The following GPM6A variants were observed in gnomAD, a reference collection of about 807,000 sequenced individuals.
GPM6A encodes glycoprotein M6A, also known as neuronal membrane glycoprotein M6-a.
In GPM6A, 7 loss-of-function variants were observed where a neutral mutation model predicts 32.1. The ratio of observed to expected loss-of-function variants is 0.22; its 90% CI spans 0.12 to 0.41. The LOEUF is 0.41. Among genes scored for constraint, GPM6A ranks in the 10% least tolerant of loss-of-function variants. The pLI is 1.00. For synonymous variants in GPM6A, 130 were observed against 123.4 expected (o/e 1.05, Z -0.35); for missense variants, 235 against 347.2 (o/e 0.68, Z 2.57).
intron 1 of GPM6A, among the ~76,000 whole-genome samples, chr4:175,987,655 T>C (rs1741019982): frequency 6.6e-6 from 1 of 152,024 alleles, no homozygotes; most frequent in Admixed American, 6.6e-5. Flanking sequence ...GATTATATAT[T>C]ATTTTTATTA....
At chr4:175,772,640 A>G (rs1733236712) in intron 1 of GPM6A, among the ~76,000 whole-genome samples, 1 of 152,184 alleles carries the variant, frequency 6.6e-6, no homozygotes, top group African/African-American at 2.4e-5. Flanking sequence ...AAAAAAAATT[A>G]AAAGGAAAGG....
chr4:175,645,211 C>T (rs535873826), intron 4 of GPM6A, among the ~76,000 whole-genome samples: 12 of 152,200 alleles, frequency 7.9e-5, no homozygotes, highest in Admixed American at 1.3e-4. Flanking sequence ...CAGTAACGGG[C>T]TTCTTTAGTA....
intron 1 of GPM6A, among the ~76,000 whole-genome samples, chr4:175,767,332 A>T (rs1733012047): frequency 6.6e-6 from 1 of 152,188 alleles, no homozygotes; most frequent in African/African-American, 2.4e-5. Context: ...TGAGAAGGTG[A>T]CACTCCTGTG....
chr4:175,760,703 T>C (rs1732704977), intron 1 of GPM6A, among the ~76,000 whole-genome samples: 1 of 151,372 alleles, frequency 6.6e-6, no homozygotes, highest in Non-Finnish European at 1.5e-5. Context: ...GCTCCCTGAG[T>C]AGTGAATTAT....
intron 1 of GPM6A, among the ~76,000 whole-genome samples, chr4:175,824,125 T>G (rs745880849): frequency 1.3e-4 from 20 of 152,266 alleles, no homozygotes; most frequent in Admixed American, 3.9e-4. Context: ...CCGGAAAACA[T>G]TTTCTCAAGG....
intron 2 of GPM6A, among the ~76,000 whole-genome samples, chr4:175,677,324 G>A (rs928316712): frequency 6.6e-6 from 1 of 151,948 alleles, no homozygotes; most frequent in South Asian, 2.1e-4. Context: ...GGAAGTGAGG[G>A]GTTTAACATC....
At chr4:175,748,227 A>G (rs1173427273) in intron 1 of GPM6A, among the ~76,000 whole-genome samples, 1 of 152,208 alleles carries the variant, frequency 6.6e-6, no homozygotes, top group African/African-American at 2.4e-5. Context: ...CCTACCGTGA[A>G]TAATGAAAAT....
intron 4 of GPM6A, among the ~76,000 whole-genome samples, chr4:175,645,456 C>G (rs144497165): frequency 6.6e-6 from 1 of 152,060 alleles, no homozygotes; most frequent in East Asian, 1.9e-4. Context: ...TGGGGTGGCT[C>G]ACGCCTGTAA....
At chr4:175,871,327 G>T (rs1013769365) in intron 1 of GPM6A, among the ~76,000 whole-genome samples, 3 of 151,884 alleles carry the variant, frequency 2.0e-5, no homozygotes, top group African/African-American at 7.3e-5. Flanking sequence ...AAAATTAGCC[G>T]GATGTGGTAG....
rs371584013 is a variant in GPM6A, at chr4:175,916,477, G to A, written c.-23+85832C>T. Among the ~76,000 whole-genome samples the A allele has an allele frequency of 1.3e-4, 19 of 151,890 alleles. No homozygotes were observed. The East Asian group carries it at 3.7e-3, about 29-fold the overall frequency. The stretch of plus-strand genomic sequence containing the variant: ...GAATTTTGGTTTTTCTTTTTTTTCT[G>A]TACCTACTGTTTCAGAGGGAAGTTA... On this transcript the variant is annotated intron_variant, in intron 1 of 7. Transcript: ENST00000280187.
intron 1 of GPM6A, among the ~76,000 whole-genome samples, chr4:175,778,809 T>C (rs1349298127): frequency 4.7e-5 from 7 of 150,260 alleles, no homozygotes; most frequent in East Asian, 1.9e-4. Context: ...CTACTAAATA[T>C]ATAAAATAAC....
At chr4:175,648,359 G>A (rs1258552581) in intron 4 of GPM6A, among the ~76,000 whole-genome samples, 3 of 152,148 alleles carry the variant, frequency 2.0e-5, no homozygotes, top group Admixed American at 6.5e-5. Context: ...GGAGTAAGCC[G>A]TGAAGGGGAA....
At chr4:175,815,925 C>G (rs954460128), upstream of GPM6A, among the ~76,000 whole-genome samples, 3 of 152,112 alleles carry the variant, frequency 2.0e-5, no homozygotes, top group African/African-American at 7.2e-5. Flanking sequence ...CCATGTTGGT[C>G]AGGCTGGTCT....
At position 175,701,584 on chromosome 4, in the gene GPM6A, A is replaced by G. The variant is rs1744883764; in HGVS notation, c.221T>C (p.Val74Ala). 1 of 1,611,964 alleles carries G rather than the reference A, an allele frequency of 6.2e-7. No homozygotes were observed. The highest frequency in any genetic ancestry group is 1.3e-5 in the African/African-American group (1 of 74,994). Residue 74 changes from valine to alanine, a missense_variant, in exon 2 of 7, where the codon GTT becomes GCT. By Grantham distance (64) the Val-to-Ala change is moderately conservative. Coordinates refer to ENST00000393658, the MANE Select transcript of GPM6A (RefSeq NM_201591.3). ...MARTAGDTLD[V>A]FTMIDIFKYV... ...TACTAGAGTGACTTACATGGTAAAA[A>G]CATCCAGTGTGTCTCCAGCAGTTCT...
chr4:175,661,643 G>A (rs927423933), intron 3 of GPM6A, among the ~76,000 whole-genome samples: 8 of 152,110 alleles, frequency 5.3e-5, no homozygotes, highest in South Asian at 2.1e-4. Context: ...AGAAAGTTGC[G>A]CAAGACCAGA....
At chr4:175,681,408 T>C (rs1217374839) in intron 2 of GPM6A, among the ~76,000 whole-genome samples, 1 of 152,218 alleles carries the variant, frequency 6.6e-6, no homozygotes, top group Non-Finnish European at 1.5e-5. Context: ...TGTCTATTCA[T>C]GTGTTTGCCA....
At chr4:175,665,871 A>G (rs562923791) in intron 3 of GPM6A, among the ~76,000 whole-genome samples, 3 of 152,086 alleles carry the variant, frequency 2.0e-5, no homozygotes, top group African/African-American at 7.2e-5. Context: ...AGTACTAACA[A>G]TATAATATAA....
chr4:175,983,999 T>G (rs925931019), intron 1 of GPM6A, among the ~76,000 whole-genome samples: 2 of 148,230 alleles, frequency 1.3e-5, no homozygotes, highest in East Asian at 4.0e-4. Flanking sequence ...TGTCTCTCTC[T>G]CTCTCTCTCT....
intron 3 of GPM6A, among the ~76,000 whole-genome samples, chr4:175,654,855 A>G (rs962719026): frequency 6.6e-6 from 1 of 152,170 alleles, no homozygotes; most frequent in Non-Finnish European, 1.5e-5. Context: ...TTGGAGGACT[A>G]AAAGCAACTC....
Sources: allele counts gnomAD v4.1 joint callset (sites outside exome capture counted in the v4.1 genomes callset), GRCh38; gene constraint gnomAD v4.1.1; transcripts MANE v1.5; gene names NCBI Gene and HGNC (gene_info 2026-07-23, HGNC 2026-07-21).